RAI14: variants seen among roughly 807,000 people sequenced by gnomAD.
The protein encoded by RAI14 is retinoic acid induced 14.
Under a neutral mutation model 115.4 loss-of-function variants are expected in RAI14, and 45 were observed. That is an observed-to-expected ratio of 0.39 (90% confidence interval 0.31 to 0.50). The LOEUF (loss-of-function observed/expected upper bound fraction) is 0.50. Among genes scored for constraint, RAI14 ranks in the 20% least tolerant of loss-of-function variants. RAI14 has a pLI of 0.85. For synonymous variants in RAI14, 371 were observed against 415.4 expected (o/e 0.89, Z 1.30); for missense variants, 939 against 1,131.2 (o/e 0.83, Z 2.44).
chr5:34,703,788 C>T (rs577485089), intron 2 of RAI14, among the ~76,000 whole-genome samples: 155 of 152,276 alleles, frequency 1.0e-3, no homozygotes, highest in Non-Finnish European at 1.8e-3. Flanking sequence ...ATTTCGGGGG[C>T]ATCCAGCACA....
chr5:34,772,629 A>G (rs1245865557), intron 3 of RAI14, among the ~76,000 whole-genome samples: 2 of 152,116 alleles, frequency 1.3e-5, no homozygotes, highest in African/African-American at 2.4e-5. Flanking sequence ...AACTGAAGTT[A>G]AGCACTGTAG....
chr5:34,728,339 G>C (rs2150014568), intron 2 of RAI14, among the ~76,000 whole-genome samples: 1 of 152,272 alleles, frequency 6.6e-6, no homozygotes, highest in Middle Eastern at 3.4e-3. Context: ...GGCATGATTG[G>C]TTTTGAAATG....
At chr5:34,671,079 T>C (rs1010077730) in intron 1 of RAI14, among the ~76,000 whole-genome samples, 2 of 152,224 alleles carry the variant, frequency 1.3e-5, no homozygotes, top group African/African-American at 2.4e-5. Flanking sequence ...ACAGTCTTAC[T>C]TTGTTAGATG....
chr5:34,661,589 T>A (rs1742691107), intron 1 of RAI14, among the ~76,000 whole-genome samples: 1 of 152,216 alleles, frequency 6.6e-6, no homozygotes, highest in Non-Finnish European at 1.5e-5. Context: ...ATGTGATTTA[T>A]CCTATAAGCC....
rs943053119 is a variant in RAI14, at chr5:34,827,945, G to T, written c.2799+1466G>T. 2.6e-5 allele frequency among the ~76,000 whole-genome samples: 4 copies of T among 152,176 alleles called. No individual in the cohort carries two copies. The highest frequency in any genetic ancestry group is 9.7e-5 in the African/African-American group (4 of 41,438). ...CCCAATCTTGCTGAGTCATGAAAAG[G>T]TTCCTACGGGAGTTACACTTGTGCT... is the stretch of plus-strand genomic sequence containing the variant. On this transcript the variant is annotated intron_variant, in intron 16 of 17. Coordinates refer to ENST00000265109, the MANE Select transcript of RAI14 (RefSeq NM_015577.3). This position sits in a 1 kb window ranked among gnomAD's most constrained non-coding sequence, Gnocchi z 4.2.
At chr5:34,732,685 C>T (rs1744353602) in intron 2 of RAI14, among the ~76,000 whole-genome samples, 1 of 151,224 alleles carries the variant, frequency 6.6e-6, no homozygotes, top group Non-Finnish European at 1.5e-5. Context: ...GTGATCCACC[C>T]TCCTGGCCTC....
intron 3 of RAI14, among the ~76,000 whole-genome samples, chr5:34,759,764 C>T (rs1025317307): frequency 1.3e-5 from 2 of 152,170 alleles, no homozygotes; most frequent in South Asian, 2.1e-4. Context: ...AACCATCCCC[C>T]GTACCTGGTC....
chr5:34,658,127 G>GT (rs1336358807), intron 1 of RAI14, among the ~76,000 whole-genome samples: 1 of 152,142 alleles, frequency 6.6e-6, no homozygotes, highest in Non-Finnish European at 1.5e-5. Flanking sequence ...TGAATTTATT[G>GT]TTTTATGGCT....
At chr5:34,756,731 T>C (rs1391018170) in intron 2 of RAI14, among the ~76,000 whole-genome samples, 5 of 152,158 alleles carry the variant, frequency 3.3e-5, no homozygotes, top group African/African-American at 9.7e-5. Flanking sequence ...CATCTGCTCT[T>C]ATATAGAAAT....
At chr5:34,775,592 A>G (rs1561345706) in intron 3 of RAI14, among the ~76,000 whole-genome samples, 1 of 152,170 alleles carries the variant, frequency 6.6e-6, no homozygotes, top group Non-Finnish European at 1.5e-5. Flanking sequence ...ATGAATGGGC[A>G]AAAAGATCTG....
chr5:34,822,736 T>G (rs1194342074), intron 14 of RAI14, among the ~76,000 whole-genome samples: 1 of 125,536 alleles, frequency 8.0e-6, no homozygotes, highest in Admixed American at 1.1e-4. Context: ...CAGGCTGGAG[T>G]GCAGTGGCGC....
chr5:34,664,763 C>T (rs1281854768), intron 1 of RAI14, among the ~76,000 whole-genome samples: 1 of 151,176 alleles, frequency 6.6e-6, no homozygotes, highest in African/African-American at 2.4e-5. Flanking sequence ...GTCTTTTATC[C>T]CTCACTCCCT....
rs552876709 is a variant in RAI14, at chr5:34,776,857, C to T, written c.168-19082C>T. On this transcript the variant is annotated intron_variant, in intron 3 of 17. Transcript: ENST00000265109. ...CCCCATAAATATATATACCTACTAT[C>T]TTCCCATAAAAATTAAAAACAAGGA... is the stretch of plus-strand genomic sequence containing the variant. Among the ~76,000 whole-genome samples the T allele has an allele frequency of 1.8e-4, 27 of 151,014 alleles. No homozygotes were observed. In the South Asian group the frequency reaches 5.4e-3, roughly 30 times the overall value.
At chr5:34,775,876 T>TA (rs1750770590) in intron 3 of RAI14, among the ~76,000 whole-genome samples, 1 of 152,120 alleles carries the variant, frequency 6.6e-6, no homozygotes. Context: ...CTCAAAAAAC[T>TA]AAAAATAGAA....
intron 10 of RAI14, among the ~76,000 whole-genome samples, chr5:34,813,041 A>G (rs1755788649): frequency 6.6e-6 from 1 of 152,220 alleles, no homozygotes; most frequent in Non-Finnish European, 1.5e-5. Flanking sequence ...TTTTTTGATG[A>G]ACAGTATATG....
chr5:34,757,298 T>C lies in RAI14; in HGVS notation c.37-170T>C, dbSNP rs544085762. The C allele has an allele frequency of 1.3e-3, 942 of 753,246 alleles. 2 individuals carry two copies. Among genetic ancestry groups the C allele is most frequent in the Middle Eastern group, 3.5e-3 (15 of 4,342 alleles). The allele number at this position is 753,246 out of a possible 1,614,324, so 46.7% of individuals were successfully genotyped here. A position where few individuals can be genotyped will look rare whatever the true frequency, so the allele number is the denominator to read the frequency against. ...ATGTTTTCTTTTGGGAAAGCGGCCTTCTTGGGTGTCTCCATGGTGAAGGGG... is the reference window on the plus strand; with the variant it reads ...ATGTTTTCTTTTGGGAAAGCGGCCTCCTTGGGTGTCTCCATGGTGAAGGGG... On this transcript the variant is annotated intron_variant, in intron 2 of 17. Transcript: ENST00000265109.
intron 2 of RAI14, among the ~76,000 whole-genome samples, chr5:34,694,289 C>T (rs912040162): frequency 2.0e-5 from 3 of 152,198 alleles, no homozygotes; most frequent in Non-Finnish European, 4.4e-5. Context: ...ATGAACTTCT[C>T]CTTGGGACTG....
chr5:34,700,960 T>C (rs16903701), intron 2 of RAI14, among the ~76,000 whole-genome samples: 10,384 of 152,176 alleles, frequency 0.068, 1,147 homozygotes, highest in African/African-American at 0.24. Context: ...GTGTCTGTGG[T>C]CAAAAAAGAG....
Position 34,823,388 on chromosome 5 carries a change from A to G in RAI14, c.1546A>G (p.Met516Val), listed in dbSNP as rs1223304448. 1.2e-6 allele frequency: 2 copies of G among 1,614,032 alleles called. No homozygotes were observed. The highest frequency in any genetic ancestry group is 1.7e-6 in the Non-Finnish European group (2 of 1,180,046). The change falls in exon 15 of 18, where the codon ATG becomes GTG. Residue 516 changes from methionine (M) to valine (V), a missense_variant. Physicochemically the swap from Met to Val is conservative, Grantham distance 21. Transcript: ENST00000265109. The surrounding 1 kb of genome is among the most constrained non-coding windows in gnomAD (Gnocchi z 4.5). ...MKLGLVSPES[M>V]DNYSHFHELR... ...ACTCGGTCTTGTCTCACCTGAAAGC[A>G]TGGATAATTATTCACATTTCCACGA...
Sources: allele counts gnomAD v4.1 joint callset (sites outside exome capture counted in the v4.1 genomes callset), GRCh38; gene constraint gnomAD v4.1.1; non-coding constraint Gnocchi (gnomAD v3.1); transcripts MANE v1.5; gene names NCBI Gene and HGNC (gene_info 2026-07-23, HGNC 2026-07-21).